Variants in CNTLN observed in about 807,000 individuals in gnomAD.
CNTLN encodes centlein, centrosomal protein.
CNTLN carries 212 observed loss-of-function variants against 180.0 expected under a neutral mutation model. The ratio of observed to expected loss-of-function variants is 1.18; its 90% CI spans 1.05 to 1.32. CNTLN has a LOEUF of 1.32. Among genes scored for constraint, CNTLN ranks in the 40% most tolerant of loss-of-function variants. The pLI is 0.00. For missense variants in CNTLN, 2,095 were observed against 1,610.9 expected, an observed-to-expected ratio of 1.30 and a Z score of -5.14; for synonymous variants, 722 against 563.1, an observed-to-expected ratio of 1.28 and a Z score of -3.99.
At position 17,445,581 on chromosome 9, in the gene CNTLN, T is replaced by A. The variant is rs1327739529; in HGVS notation, c.3115-11943T>A. Among the ~76,000 whole-genome samples, 5 of 152,340 alleles carry A rather than the reference T, an allele frequency of 3.3e-5. No homozygotes were observed. In the South Asian group the frequency reaches 1.0e-3, roughly 32 times the overall value. On this transcript the variant is annotated intron_variant, in intron 18 of 25. Transcript: ENST00000380647. ...TGCAAGATGTGCTTTGTTAAACAGATGCTTGAAGGCAGCATGCTCCTTGAG... is the reference window on the plus strand; with the variant it reads ...TGCAAGATGTGCTTTGTTAAACAGAAGCTTGAAGGCAGCATGCTCCTTGAG...
At chr9:17,331,162 A>C (rs1219615548) in intron 9 of CNTLN, among the ~76,000 whole-genome samples, 2 of 151,818 alleles carry the variant, frequency 1.3e-5, no homozygotes, top group African/African-American at 4.8e-5. Context: ...TCACTTTTCT[A>C]ATTTGAATTA....
intron 6 of CNTLN, among the ~76,000 whole-genome samples, chr9:17,290,638 C>G (rs1364768237): frequency 6.7e-6 from 1 of 148,442 alleles, no homozygotes; most frequent in Non-Finnish European, 1.5e-5. Context: ...TGATCTCAGA[C>G]TGCTGTGCTA....
intron 5 of CNTLN, among the ~76,000 whole-genome samples, chr9:17,261,799 C>A (rs1827002412): frequency 1.3e-5 from 2 of 151,410 alleles, no homozygotes; most frequent in African/African-American, 4.9e-5. Context: ...AACAGTCAAC[C>A]TACAGAATGA....
intron 2 of CNTLN, among the ~76,000 whole-genome samples, chr9:17,213,621 C>G (rs1388064306): frequency 1.3e-5 from 2 of 152,172 alleles, no homozygotes; most frequent in Non-Finnish European, 2.9e-5. Context: ...TGTTAACTTT[C>G]TGACTCGTTG....
chr9:17,392,866 A>G (rs1174421034), intron 14 of CNTLN, among the ~76,000 whole-genome samples: 2 of 151,648 alleles, frequency 1.3e-5, no homozygotes, highest in African/African-American at 2.4e-5. Context: ...TTAGGAAACA[A>G]TTTACATCTT....
intron 2 of CNTLN, among the ~76,000 whole-genome samples, chr9:17,215,963 T>C (rs947149144): frequency 5.9e-5 from 9 of 152,108 alleles, no homozygotes; most frequent in Non-Finnish European, 1.0e-4. Context: ...AGCTTCCGTT[T>C]GCTAGGAAAG....
chr9:17,490,593 G>A (rs571064327), intron 25 of CNTLN, among the ~76,000 whole-genome samples: 1 of 152,046 alleles, frequency 6.6e-6, no homozygotes, highest in Admixed American at 6.6e-5. Context: ...GATATAGAGA[G>A]TGACTGCTTA....
chr9:17,194,574 A>T (rs749095951), intron 2 of CNTLN, among the ~76,000 whole-genome samples: 1 of 152,162 alleles, frequency 6.6e-6, no homozygotes, highest in Non-Finnish European at 1.5e-5. Context: ...TTTATTATCC[A>T]TATCAGTATC....
chr9:17,513,010 G>A, the CNTLN span, among the ~76,000 whole-genome samples: 1 of 150,904 alleles, frequency 6.6e-6, no homozygotes. Context: ...AGTAGAGATG[G>A]GGGTTTCACC....
chr9:17,322,369 T>C (rs1000318451), intron 8 of CNTLN, among the ~76,000 whole-genome samples: 2 of 152,134 alleles, frequency 1.3e-5, no homozygotes, highest in African/African-American at 4.8e-5. Flanking sequence ...ATTCACAAAA[T>C]TTGAACTTGT....
Position 17,439,584 on chromosome 9 carries a change from T to C in CNTLN, c.3115-17940T>C, listed in dbSNP as rs545059545. Among the ~76,000 whole-genome samples, 7 of 152,342 alleles carry C rather than the reference T, an allele frequency of 4.6e-5. No homozygotes were observed. The South Asian group carries it at 1.4e-3, about 32-fold the overall frequency. The stretch of plus-strand genomic sequence containing the variant: ...GATGGAAATTTATATCCTTAAATAC[T>C]TGTAGTAAGATTAGAAGAAGTCTAA... On this transcript the variant is annotated intron_variant, in intron 18 of 25. Coordinates refer to ENST00000380647, the MANE Select transcript of CNTLN (RefSeq NM_017738.4).
chr9:17,327,214 T>A (rs1288831352), intron 8 of CNTLN, among the ~76,000 whole-genome samples: 1 of 22,892 alleles, frequency 4.4e-5, no homozygotes, highest in Non-Finnish European at 1.3e-4. Context: ...GTAGTTAACC[T>A]TTTTTTTTTT....
At chr9:17,452,898 G>A (rs1461237902) in intron 18 of CNTLN, among the ~76,000 whole-genome samples, 1 of 152,040 alleles carries the variant, frequency 6.6e-6, no homozygotes, top group African/African-American at 2.4e-5. Flanking sequence ...AAAAGCTTCT[G>A]GTCAGAGGCT....
intron 25 of CNTLN, among the ~76,000 whole-genome samples, chr9:17,499,713 G>GT (rs1833644946): frequency 6.6e-6 from 1 of 151,970 alleles, no homozygotes; most frequent in African/African-American, 2.4e-5. Context: ...CTTTTTCTTA[G>GT]TCTTCCTCTA....
At chr9:17,148,894 T>C (rs113656205) in intron 2 of CNTLN, among the ~76,000 whole-genome samples, 10,316 of 152,220 alleles carry the variant, frequency 0.068, 462 homozygotes, top group East Asian at 0.17. Flanking sequence ...TAGGTATACA[T>C]GTGCCCTAGT....
At chr9:17,386,377 T>C (rs1825683763) in intron 13 of CNTLN, among the ~76,000 whole-genome samples, 1 of 152,102 alleles carries the variant, frequency 6.6e-6, no homozygotes, top group African/African-American at 2.4e-5. Flanking sequence ...TTAGAATGAA[T>C]GTTTATACTA....
chr9:17,259,643 C>G (rs1349669643), intron 5 of CNTLN, among the ~76,000 whole-genome samples: 1 of 151,014 alleles, frequency 6.6e-6, no homozygotes. Context: ...ATTATTGCCA[C>G]AATTTCAGAT....
chr9:17,382,856 C>T (rs1015991662), intron 13 of CNTLN, among the ~76,000 whole-genome samples: 4 of 152,136 alleles, frequency 2.6e-5, no homozygotes, highest in Admixed American at 6.5e-5. Context: ...AAATTAGCCC[C>T]TGCCTACCTC....
chr9:17,179,261 A>AAAAAAAAAG (rs762439606), intron 2 of CNTLN, among the ~76,000 whole-genome samples: 3 of 138,670 alleles, frequency 2.2e-5, no homozygotes, highest in Admixed American at 7.1e-5. Flanking sequence ...AAAAAAAAAA[A>AAAAAAAAAG]AAGAAGAAGT....
Sources: gnomAD v4.1 joint callset for allele counts (sites outside exome capture counted in the v4.1 genomes callset) on GRCh38, gnomAD v4.1.1 for gene constraint, MANE v1.5 for transcripts, NCBI Gene and HGNC (gene_info 2026-07-23, HGNC 2026-07-21) for gene names.